The following SCNN1B variants were observed in gnomAD, a reference collection of about 807,000 sequenced individuals.
SCNN1B encodes sodium channel epithelial 1 subunit beta, also known as epithelial sodium channel subunit beta.
In SCNN1B, 46 loss-of-function variants were observed where a neutral mutation model predicts 65.3. That is an observed-to-expected ratio of 0.70 (90% CI 0.56 to 0.90). The LOEUF (loss-of-function observed/expected upper bound fraction) is 0.90. Ranked by LOEUF, SCNN1B falls within the 40% of genes least tolerant of loss-of-function variation. The pLI is 0.00. For synonymous variants in SCNN1B, 349 were observed against 330.6 expected (o/e 1.06, Z -0.60); for missense variants, 751 against 830.5 (o/e 0.90, Z 1.18).
chr16:23,283,737 C>T (rs1960814085), exon 2 of SCNN1B: 1 of 152,162 alleles, frequency 6.6e-6, no homozygotes, highest in Non-Finnish European at 1.5e-5. Context: ...GATTCAACAG[C>T]TGAGAAGCCA....
At chr16:23,336,448 T>C (rs1961943813) in intron 1 of SCNN1B, among the ~76,000 whole-genome samples, 1 of 150,514 alleles carries the variant, frequency 6.6e-6, no homozygotes, top group South Asian at 2.1e-4. Flanking sequence ...CTCGGCTCAC[T>C]GCAGCCTTCC....
In SCNN1B at chr16:23,377,152, G is replaced by A. The variant is rs949522064; in HGVS notation, c.1271-13G>A. On this transcript the variant is annotated splice_polypyrimidine_tract_variant and intron_variant, in intron 8 of 12. Transcript: ENST00000343070. The stretch of plus-strand genomic sequence containing the variant: ...CCTTAAACCTCTTGGCCGCCTTTCT[G>A]TCTCCTGCGCAGCCCATTGCTACTC... The A allele has an allele frequency of 6.2e-7, 1 of 1,613,032 alleles. No individual in the cohort carries two copies. The highest frequency in any genetic ancestry group is 8.5e-7 in the Non-Finnish European group (1 of 1,179,612).
Position 23,343,327 on chromosome 16 carries a change from C to T in SCNN1B, c.-8-5265C>T, listed in dbSNP as rs376616911. ...ATTAGCCGGGCGTGGTGGTGCATGC[C>T]TGTAATCCTAGCTACTCTGGAGGCT... On this transcript the variant is annotated intron_variant, in intron 1 of 12. Transcript: ENST00000343070. Among the ~76,000 whole-genome samples the T allele has an allele frequency of 7.9e-5, 12 of 152,020 alleles. No homozygotes were observed. In the East Asian group the frequency reaches 2.3e-3, roughly 29 times the overall value.
At chr16:23,282,150 A>G (rs972647603) in intron 1 of SCNN1B, among the ~76,000 whole-genome samples, 1 of 152,208 alleles carries the variant, frequency 6.6e-6, no homozygotes, top group Admixed American at 6.5e-5. Context: ...TGGGTACATT[A>G]AAAACCCAGA....
At chr16:23,367,718 G>A in intron 4 of SCNN1B, 138 bp from the exon 5 acceptor site, 1 of 757,376 alleles carries the variant, frequency 1.3e-6, no homozygotes. Flanking sequence ...TTGGACCAGA[G>A]GATGGACAGA....
At chr16:23,367,799 CG>C (rs1962700702) in intron 4 of SCNN1B, 56 bp from the exon 5 acceptor site, 1 of 1,317,970 alleles carries the variant, frequency 7.6e-7, no homozygotes. Flanking sequence ...GGCAGACAGT[CG>C]GGGGAGGCAT....
chr16:23,322,106 C>G (rs184425241), intron 1 of SCNN1B, among the ~76,000 whole-genome samples: 93 of 152,236 alleles, frequency 6.1e-4, no homozygotes, highest in Admixed American at 2.7e-3. Context: ...TCCCTTGGAG[C>G]CTTCCAGATA....
At chr16:23,367,016 C>T (rs986742858) in intron 4 of SCNN1B, among the ~76,000 whole-genome samples, 2 of 152,154 alleles carry the variant, frequency 1.3e-5, no homozygotes, top group African/African-American at 2.4e-5. Flanking sequence ...AGGAGTTCCT[C>T]GGCTTGTGTC....
At chr16:23,331,191 G>T (rs1348375346) in intron 1 of SCNN1B, among the ~76,000 whole-genome samples, 2 of 152,182 alleles carry the variant, frequency 1.3e-5, no homozygotes, top group East Asian at 3.8e-4. Flanking sequence ...ACTGGCTCCT[G>T]TCAGAATCAC....
chr16:23,307,251 C>A (rs1167634591), intron 1 of SCNN1B, among the ~76,000 whole-genome samples: 3 of 150,886 alleles, frequency 2.0e-5, no homozygotes, highest in Non-Finnish European at 4.4e-5. Flanking sequence ...ATCTAGCACA[C>A]AGCAACTGCT....
rs1962229386 is a variant in SCNN1B, at chr16:23,348,304, AAAAAACCTTGTCC to A, written c.-8-286_-8-274del. Among the ~76,000 whole-genome samples the A allele has an allele frequency of 6.6e-6, 1 of 152,182 alleles. No individual in the cohort carries two copies. The highest frequency in any genetic ancestry group is 1.5e-5 in the Non-Finnish European group (1 of 68,034). On this transcript the variant is annotated intron_variant, in intron 1 of 12. Transcript: ENST00000343070. This position sits in a 1 kb window ranked among gnomAD's most constrained non-coding sequence, Gnocchi z 4.5. Reference sequence around the variant, plus strand: ...ACTAGGTTATGAATTCCCAAAGGGCAAAAAACCTTGTCCATTTTGCTCATTGAGTCCAGAAGGA... The same window carrying A: ...ACTAGGTTATGAATTCCCAAAGGGCAATTTTGCTCATTGAGTCCAGAAGGA...
intron 2 of SCNN1B, among the ~76,000 whole-genome samples, chr16:23,292,010 C>T (rs945417922): frequency 3.3e-5 from 5 of 151,776 alleles, no homozygotes; most frequent in African/African-American, 1.2e-4. Flanking sequence ...TTTTCTCTCA[C>T]GCCCCACATC....
intron 1 of SCNN1B, among the ~76,000 whole-genome samples, chr16:23,337,077 G>T (rs1173388677): frequency 6.6e-6 from 1 of 152,044 alleles, no homozygotes; most frequent in African/African-American, 2.4e-5. Flanking sequence ...TTTAGACAGT[G>T]TCTTGCTGTG....
At chr16:23,315,383 A>T in intron 1 of SCNN1B, among the ~76,000 whole-genome samples, 1 of 151,970 alleles carries the variant, frequency 6.6e-6, no homozygotes, top group East Asian at 1.9e-4. Context: ...TCTCTGATTC[A>T]TGCCTTCCAC....
upstream of SCNN1B, among the ~76,000 whole-genome samples, chr16:23,301,424 A>C (rs1247844223): frequency 2.8e-5 from 4 of 145,328 alleles, no homozygotes; most frequent in Non-Finnish European, 5.9e-5. Flanking sequence ...GGAGAGAGAG[A>C]GAGAGAAAGA....
intron 1 of SCNN1B, among the ~76,000 whole-genome samples, chr16:23,316,695 A>G (rs1270050177): frequency 1.0e-5 from 1 of 98,218 alleles, no homozygotes; most frequent in African/African-American, 4.2e-5. Context: ...ATCATCATCA[A>G]CACCATCACC....
At chr16:23,296,149 G>T (rs759863879) in intron 2 of SCNN1B, among the ~76,000 whole-genome samples, 1 of 152,112 alleles carries the variant, frequency 6.6e-6, no homozygotes. Flanking sequence ...TGACCCAGAC[G>T]TACCAGGAGT....
chr16:23,306,374 A>G (rs1246370084), intron 1 of SCNN1B, among the ~76,000 whole-genome samples: 8 of 152,222 alleles, frequency 5.3e-5, no homozygotes, highest in Non-Finnish European at 5.9e-5. Context: ...ATGAGTCAAC[A>G]CACATGAACC....
intron 1 of SCNN1B, among the ~76,000 whole-genome samples, chr16:23,325,887 T>TAATAAATA (rs1555485521): frequency 0.013 from 1,634 of 124,250 alleles, 16 homozygotes; most frequent in East Asian, 0.021. Flanking sequence ...ACCCTGTCTC[T>TAATAAATA]AATAAATAAA....
Sources: allele counts gnomAD v4.1 joint callset (sites outside exome capture counted in the v4.1 genomes callset), GRCh38; gene constraint gnomAD v4.1.1; non-coding constraint Gnocchi (gnomAD v3.1); transcripts MANE v1.5; gene names NCBI Gene and HGNC (gene_info 2026-07-23, HGNC 2026-07-21).